Variants in ZSCAN25 observed in about 807,000 individuals in gnomAD.
The protein encoded by ZSCAN25 is zinc finger and SCAN domain-containing protein 25.
In ZSCAN25, 27 loss-of-function variants were observed where a neutral mutation model predicts 38.7. The ratio of observed to expected loss-of-function variants is 0.70; its 90% CI spans 0.51 to 0.96. ZSCAN25 has a LOEUF of 0.96. Among genes scored for constraint, ZSCAN25 ranks in the 40% least tolerant of loss-of-function variants. ZSCAN25 has a pLI of 0.00. For synonymous variants in ZSCAN25, 273 were observed against 277.7 expected (o/e 0.98, Z 0.17); for missense variants, 637 against 705.9 (o/e 0.90, Z 1.11).
At chr7:99,668,844 A>G in the ZSCAN25 span, among the ~76,000 whole-genome samples, 1 of 152,228 alleles carries the variant, frequency 6.6e-6, no homozygotes, top group Non-Finnish European at 1.5e-5. Flanking sequence ...TTATCTTCTA[A>G]TCACGGACAG....
chr7:99,711,347 T>C, the ZSCAN25 span, among the ~76,000 whole-genome samples: 1 of 152,194 alleles, frequency 6.6e-6, no homozygotes, highest in African/African-American at 2.4e-5. Flanking sequence ...AATGGCTAGA[T>C]GTATGGAAAA....
At chr7:99,666,663 T>A in the ZSCAN25 span, 7 of 1,613,994 alleles carry the variant, frequency 4.3e-6, no homozygotes, top group South Asian at 5.5e-5. Context: ...CCAATACATC[T>A]CCATACTGGG....
the ZSCAN25 span, among the ~76,000 whole-genome samples, chr7:99,653,776 A>T: frequency 6.6e-6 from 1 of 152,216 alleles, no homozygotes; most frequent in African/African-American, 2.4e-5. This position sits in a 1 kb window ranked among gnomAD's most constrained non-coding sequence, Gnocchi z 4.2. Context: ...TTTGGGCAGA[A>T]GTCTGAAAAC....
the ZSCAN25 span, chr7:99,647,784 T>C: frequency 1.0e-6 from 1 of 985,456 alleles, no homozygotes; most frequent in Non-Finnish European, 1.2e-6. Flanking sequence ...AATGTTTATT[T>C]GCTGGTTTTC....
chr7:99,655,437 T>C, the ZSCAN25 span, among the ~76,000 whole-genome samples: 3 of 152,358 alleles, frequency 2.0e-5, no homozygotes, highest in African/African-American at 7.2e-5. Context: ...CATTGATCAA[T>C]ATCTCTGTTT....
At chr7:99,638,091 C>T in the ZSCAN25 span, among the ~76,000 whole-genome samples, 1 of 152,082 alleles carries the variant, frequency 6.6e-6, no homozygotes, top group African/African-American at 2.4e-5. Context: ...ACAGAAGACC[C>T]CCAAGCCCTC....
the ZSCAN25 span, chr7:99,708,024 A>C: frequency 6.2e-7 from 1 of 1,612,860 alleles, no homozygotes; most frequent in Non-Finnish European, 8.5e-7. Flanking sequence ...TAATACCTCT[A>C]AGAGTTACAT....
At chr7:99,648,511 G>A in the ZSCAN25 span, 2 of 719,896 alleles carry the variant, frequency 2.8e-6, no homozygotes, top group African/African-American at 1.8e-5. Context: ...ATATAAAAAC[G>A]ACTCTTAACA....
At chr7:99,649,574 C>T in the ZSCAN25 span, among the ~76,000 whole-genome samples, 6 of 152,084 alleles carry the variant, frequency 3.9e-5, no homozygotes, top group Non-Finnish European at 7.4e-5. Flanking sequence ...GGGGTTCACC[C>T]GACAGCATGA....
chr7:99,728,139 C>T, the ZSCAN25 span, among the ~76,000 whole-genome samples: 1 of 152,196 alleles, frequency 6.6e-6, no homozygotes, highest in Non-Finnish European at 1.5e-5. Context: ...AATCCCTCCC[C>T]ACTCAAGGAA....
chr7:99,706,503 C>T, the ZSCAN25 span, among the ~76,000 whole-genome samples: 3 of 152,164 alleles, frequency 2.0e-5, no homozygotes, highest in African/African-American at 7.2e-5. Flanking sequence ...ATGTAGAAAG[C>T]CTGCTTAAGG....
At chr7:99,735,065 T>G in the ZSCAN25 span, 4 of 1,614,116 alleles carry the variant, frequency 2.5e-6, no homozygotes, top group Non-Finnish European at 3.4e-6. Flanking sequence ...AAGCCAGGTT[T>G]CCACGGCCAA....
chr7:99,663,557 G>T, the ZSCAN25 span: 62 of 993,410 alleles, frequency 6.2e-5, no homozygotes, highest in African/African-American at 9.4e-4. Flanking sequence ...AGCCTCATAG[G>T]ACCTTTAATT....
chr7:99,705,285 A>G, the ZSCAN25 span: 1 of 512,180 alleles, frequency 2.0e-6, no homozygotes, highest in Admixed American at 3.4e-5. Flanking sequence ...CTACTTCCCC[A>G]GCACTGATTT....
intron 6 of ZSCAN25, 87 bp downstream of exon 6, chr7:99,622,727 C>A: frequency 1.6e-6 from 2 of 1,239,222 alleles, no homozygotes; most frequent in South Asian, 1.3e-5. Context: ...CAACAGTGTT[C>A]CCTTCCCGCC....
chr7:99,722,924 G>A, the ZSCAN25 span, among the ~76,000 whole-genome samples: 3 of 152,088 alleles, frequency 2.0e-5, no homozygotes, highest in Non-Finnish European at 4.4e-5. Context: ...AAGTGGACTC[G>A]CTTTCCAGTT....
chr7:99,727,673 C>A, the ZSCAN25 span, among the ~76,000 whole-genome samples: 2 of 152,164 alleles, frequency 1.3e-5, no homozygotes, highest in South Asian at 4.1e-4. Context: ...CAAAGGCAGG[C>A]TGTGCTATAT....
At chr7:99,715,950 A>C in the ZSCAN25 span, 1 of 1,612,482 alleles carries the variant, frequency 6.2e-7, no homozygotes, top group South Asian at 1.1e-5. Flanking sequence ...GCACCTCTTT[A>C]CCATCCTTCC....
chr7:99,652,418 A>T, the ZSCAN25 span: 2 of 628,144 alleles, frequency 3.2e-6, no homozygotes, highest in East Asian at 2.8e-5. Context: ...TTTGATAATT[A>T]TCACTTTTTT....
Sources: gnomAD v4.1 joint callset for allele counts (sites outside exome capture counted in the v4.1 genomes callset) on GRCh38, gnomAD v4.1.1 for gene constraint, Gnocchi (gnomAD v3.1) non-coding constraint, MANE v1.5 for transcripts, NCBI Gene and HGNC (gene_info 2026-07-23, HGNC 2026-07-21) for gene names.